Variants in AXIN1 observed in about 807,000 individuals in gnomAD.
The protein encoded by AXIN1 is axin-1.
Under a neutral mutation model 76.4 loss-of-function variants are expected in AXIN1, and 30 were observed. That is an observed-to-expected ratio of 0.39 (90% confidence interval 0.29 to 0.53). AXIN1 has a LOEUF of 0.53. Among genes scored for constraint, AXIN1 ranks in the 20% least tolerant of loss-of-function variants. The probability of loss-of-function intolerance (pLI) is 0.66; values close to 1 mark genes in which losing one functional copy is unlikely to be tolerated. For missense variants in AXIN1, 1,140 were observed against 1,198.8 expected, an observed-to-expected ratio of 0.95 and a Z score of 0.72; for synonymous variants, 545 against 501.4, an observed-to-expected ratio of 1.09 and a Z score of -1.16.
chr16:316,657 C>T (rs531323187), intron 2 of AXIN1, among the ~76,000 whole-genome samples: 1 of 152,118 alleles, frequency 6.6e-6, no homozygotes, highest in African/African-American at 2.4e-5. Flanking sequence ...ACAGTGCACC[C>T]TGACAGTCGT....
chr16:287,464 CATT>C lies in AXIN1; in HGVS notation c.*655_*657del, dbSNP rs2052410071. 1 of 415,894 alleles carries C rather than the reference CATT, an allele frequency of 2.4e-6. No homozygotes were observed. The allele number at this position is 415,894 out of a possible 1,614,324, so 25.8% of individuals were successfully genotyped here. On this transcript the variant is annotated 3_prime_UTR_variant, in exon 11 of 11. Coordinates refer to ENST00000262320, the MANE Select transcript of AXIN1 (RefSeq NM_003502.4). Reference sequence around the variant, plus strand: ...GGCAGGTTCAAAAACAGTTTTATTTCATTATTATCCAAGTACCTTTGAAAAGAT... The same window carrying C: ...GGCAGGTTCAAAAACAGTTTTATTTCATTATCCAAGTACCTTTGAAAAGAT...
At chr16:339,236 G>A (rs1219257396) in intron 2 of AXIN1, among the ~76,000 whole-genome samples, 4 of 149,540 alleles carry the variant, frequency 2.7e-5, no homozygotes, top group Non-Finnish European at 5.9e-5. Context: ...GGGCGTGGTG[G>A]CTCACACCTG....
Position 352,455 on chromosome 16 carries a change from G to C in AXIN1, c.-168C>G. On this transcript the variant is annotated 5_prime_UTR_variant, in exon 1 of 11. Transcript: ENST00000262320. ...CCCATGCGCTCAGCGGCAGCGCGGC[G>C]GGCGGGACCCGGCGGGGGCGCGGCC... 1.0e-6 allele frequency: 1 copy of C among 973,322 alleles called. No individual in the cohort carries two copies. The highest frequency in any genetic ancestry group is 1.2e-6 in the Non-Finnish European group (1 of 821,944). The allele number at this position is 973,322 out of a possible 1,614,324, so 60.3% of individuals were successfully genotyped here.
chr16:351,687 G>A (rs1270859854), intron 1 of AXIN1, among the ~76,000 whole-genome samples: 1 of 152,058 alleles, frequency 6.6e-6, no homozygotes, highest in Non-Finnish European at 1.5e-5. Context: ...CAGGTGGATC[G>A]CTTGAGGCCA....
intron 10 of AXIN1, 42 bp downstream of exon 10, chr16:289,398 C>T (rs1183613569): frequency 2.5e-6 from 4 of 1,611,190 alleles, no homozygotes; most frequent in Admixed American, 1.7e-5. Flanking sequence ...TGGGCACCCA[C>T]ATACTCGTGC....
chr16:349,174 T>G (rs1022735751), intron 1 of AXIN1, among the ~76,000 whole-genome samples: 3 of 152,150 alleles, frequency 2.0e-5, no homozygotes, highest in African/African-American at 7.2e-5. Flanking sequence ...GGAGGATGGT[T>G]TGCAACTATG....
chr16:316,186 G>GT (rs1310407610), intron 2 of AXIN1, among the ~76,000 whole-genome samples: 2 of 151,412 alleles, frequency 1.3e-5, no homozygotes, highest in Admixed American at 6.6e-5. Flanking sequence ...ATATGCTCCA[G>GT]TTTTTTTTAG....
intron 2 of AXIN1, among the ~76,000 whole-genome samples, chr16:342,676 C>T (rs1358418239): frequency 2.6e-5 from 4 of 152,248 alleles, no homozygotes; most frequent in Non-Finnish European, 5.9e-5. Flanking sequence ...GACACAGCGG[C>T]ACACGTGCCC....
chr16:320,743 A>ATATATATT (rs397722732), intron 2 of AXIN1, among the ~76,000 whole-genome samples: 18 of 107,662 alleles, frequency 1.7e-4, no homozygotes, highest in African/African-American at 5.5e-4. Flanking sequence ...ATATATATAT[A>ATATATATT]TTTTTTTTTT....
At chr16:311,175 G>A (rs1486496340) in intron 3 of AXIN1, among the ~76,000 whole-genome samples, 1 of 151,780 alleles carries the variant, frequency 6.6e-6, no homozygotes, top group African/African-American at 2.4e-5. Flanking sequence ...GACTACAGGT[G>A]CCCGCCACCA....
chr16:319,139 G>C (rs62032886), intron 2 of AXIN1, among the ~76,000 whole-genome samples: 17,610 of 152,226 alleles, frequency 0.12, 1,285 homozygotes, highest in South Asian at 0.21. Context: ...TGTAGAGCCA[G>C]GTAGTGACAG....
At chr16:289,672 T>C (rs412243) in intron 9 of AXIN1, 65 bp from the exon 10 acceptor site, 557,501 of 1,592,744 alleles carry the variant, frequency 0.35, 99,911 homozygotes, top group Non-Finnish European at 0.38. Context: ...TCCCTCCTGC[T>C]GGCCTCAGGC....
chr16:352,238 C>T, intron 1 of AXIN1, 131 bp downstream of exon 1: 1 of 509,766 alleles, frequency 2.0e-6, no homozygotes, highest in African/African-American at 2.1e-5. Flanking sequence ...AGGGACACCC[C>T]GGCCCCAGCT....
intron 5 of AXIN1, among the ~76,000 whole-genome samples, chr16:302,928 C>G (rs746429632): frequency 6.6e-6 from 1 of 152,162 alleles, no homozygotes; most frequent in Non-Finnish European, 1.5e-5. Flanking sequence ...GTGGCACAGC[C>G]TCGGCTCACT....
intron 3 of AXIN1, among the ~76,000 whole-genome samples, chr16:311,919 G>C (rs1416094990): frequency 2.0e-5 from 3 of 152,198 alleles, no homozygotes; most frequent in Non-Finnish European, 4.4e-5. Context: ...TGGCAGACAC[G>C]GCAACTCCTG....
Position 342,299 on chromosome 16 carries a change from G to C in AXIN1, c.878+3849C>G, listed in dbSNP as rs190333124. ...CGTCAGAAGGAACAAACTCCGGACA[G>C]GCCGCCTTTAGGAACTGTAACACTC... On this transcript the variant is annotated intron_variant, in intron 2 of 10. Transcript: ENST00000262320. 1.8e-3 allele frequency among the ~76,000 whole-genome samples: 267 copies of C among 152,306 alleles called. 2 individuals are homozygous for C. Among genetic ancestry groups the C allele is most frequent in the African/African-American group, 5.8e-3 (241 of 41,552 alleles).
At chr16:340,047 TC>T (rs2053885771) in intron 2 of AXIN1, among the ~76,000 whole-genome samples, 3 of 147,868 alleles carry the variant, frequency 2.0e-5, no homozygotes, top group Non-Finnish European at 4.4e-5. Flanking sequence ...TTCTTCTTCT[TC>T]TTTTTTTTTT....
intron 4 of AXIN1, among the ~76,000 whole-genome samples, chr16:306,369 T>C (rs1179371831): frequency 6.6e-6 from 1 of 152,156 alleles, no homozygotes; most frequent in African/African-American, 2.4e-5. Context: ...TAGCAAAACA[T>C]GTTTTAAAAT....
At chr16:341,160 T>C (rs1274994100) in intron 2 of AXIN1, among the ~76,000 whole-genome samples, 1 of 152,266 alleles carries the variant, frequency 6.6e-6, no homozygotes, top group Non-Finnish European at 1.5e-5. Context: ...GCTCTCACTT[T>C]GGTGGCACTT....
Sources: allele counts gnomAD v4.1 joint callset (sites outside exome capture counted in the v4.1 genomes callset), GRCh38; gene constraint gnomAD v4.1.1; transcripts MANE v1.5; gene names NCBI Gene and HGNC (gene_info 2026-07-23, HGNC 2026-07-21).